PRKN: variants seen among roughly 807,000 people sequenced by gnomAD.
PRKN encodes E3 ubiquitin-protein ligase parkin.
PRKN carries 56 observed loss-of-function variants against 59.5 expected under a neutral mutation model. The ratio of observed to expected loss-of-function variants is 0.94; its 90% CI spans 0.76 to 1.18. PRKN has a LOEUF of 1.18. PRKN is among the 50% of genes most tolerant of loss of function. The pLI, the probability that PRKN is intolerant of heterozygous loss-of-function variation, is 0.00. For missense variants in PRKN, 657 were observed against 596.4 expected, an observed-to-expected ratio of 1.10 and a Z score of -1.06; for synonymous variants, 250 against 222.1, an observed-to-expected ratio of 1.13 and a Z score of -1.12.
chr6:161,725,602 C>T (rs921149472), intron 7 of PRKN, among the ~76,000 whole-genome samples: 1 of 152,178 alleles, frequency 6.6e-6, no homozygotes, highest in Non-Finnish European at 1.5e-5. Context: ...GCATGGCTCA[C>T]CCTACCCATT....
At chr6:162,591,497 C>G (rs991240190) in intron 1 of PRKN, among the ~76,000 whole-genome samples, 2 of 151,922 alleles carry the variant, frequency 1.3e-5, no homozygotes, top group Non-Finnish European at 2.9e-5. Flanking sequence ...TATTCTTAAA[C>G]GATGCAATTG....
At chr6:161,481,409 C>A (rs1791391642) in intron 9 of PRKN, among the ~76,000 whole-genome samples, 1 of 152,068 alleles carries the variant, frequency 6.6e-6, no homozygotes, top group Non-Finnish European at 1.5e-5. Flanking sequence ...TTGAGACCAT[C>A]CTGGCCAACA....
chr6:161,382,475 G>C (rs1269822858), intron 10 of PRKN, among the ~76,000 whole-genome samples: 2 of 152,176 alleles, frequency 1.3e-5, no homozygotes, highest in Non-Finnish European at 2.9e-5. Context: ...TAAAAATCTG[G>C]AAGTCTCAGT....
chr6:161,614,182 G>A (rs921939076), intron 7 of PRKN, among the ~76,000 whole-genome samples: 1 of 152,084 alleles, frequency 6.6e-6, no homozygotes, highest in Non-Finnish European at 1.5e-5. Flanking sequence ...GGTCTCCAGG[G>A]GTGAGTTTGG....
chr6:162,298,643 G>C (rs1244143244), intron 2 of PRKN, among the ~76,000 whole-genome samples: 3 of 61,246 alleles, frequency 4.9e-5, no homozygotes, highest in African/African-American at 2.0e-4. Flanking sequence ...AACCCCATGA[G>C]GTCAGCATGG....
rs1465616743 is a variant in PRKN, at chr6:162,054,165, A to G, written c.544T>C (p.Cys182Arg). The change falls in exon 5 of 12, where the codon TGC becomes CGC. Residue 182 changes from cysteine to arginine, a missense_variant. Physicochemically the swap from Cys to Arg is radical, Grantham distance 180. Coordinates refer to ENST00000366898, the MANE Select transcript of PRKN (RefSeq NM_004562.3). ...TTTGGAATTAAAACATCATCCCAGC[A>G]AGATGGACCCTTTGGGAAAAAACAA... ...ATLTLTQGPS[C>R]WDDVLIPNRM... 2 of 1,611,052 alleles carry G rather than the reference A, an allele frequency of 1.2e-6. No homozygotes were observed. The highest frequency in any genetic ancestry group is 1.3e-5 in the African/African-American group (1 of 74,864).
At chr6:161,783,769 G>A (rs1790306865) in intron 7 of PRKN, 1 of 440,270 alleles carries the variant, frequency 2.3e-6, no homozygotes, top group Non-Finnish European at 4.4e-6. Context: ...GGATGCTTTT[G>A]TTAAAAAGAA....
chr6:162,072,585 T>C (rs1778626925), intron 4 of PRKN, among the ~76,000 whole-genome samples: 2 of 152,324 alleles, frequency 1.3e-5, no homozygotes, highest in South Asian at 4.2e-4. Context: ...TCTCCATCCA[T>C]ACCACTAGTC....
intron 1 of PRKN, among the ~76,000 whole-genome samples, chr6:162,566,583 C>CA (rs151329357): frequency 6.6e-6 from 1 of 151,828 alleles, no homozygotes; most frequent in African/African-American, 2.4e-5. Context: ...TTGAACCAGG[C>CA]AAAAAAATCC....
intron 7 of PRKN, among the ~76,000 whole-genome samples, chr6:161,693,098 T>G (rs187152977): frequency 2.2e-4 from 34 of 152,180 alleles, no homozygotes; most frequent in Admixed American, 1.2e-3. Context: ...AATAGATGTC[T>G]TTAGAATTAA....
intron 4 of PRKN, among the ~76,000 whole-genome samples, chr6:162,070,428 T>C (rs1394967944): frequency 6.6e-6 from 1 of 152,138 alleles, no homozygotes; most frequent in Non-Finnish European, 1.5e-5. Flanking sequence ...CTCTGCTCTA[T>C]GTGGGGTCAG....
rs1156657441 is a variant in PRKN, at chr6:161,360,531, A to G, written c.1168-326T>C. ...CAGGCAAGGTGATCAATGCTCAAAT[A>G]CACTTCTCATTAGACACTTCATCAG... On this transcript the variant is annotated intron_variant, in intron 10 of 11. Transcript: ENST00000366898. This position sits in a 1 kb window ranked among gnomAD's most constrained non-coding sequence, Gnocchi z 5.1. Among the ~76,000 whole-genome samples the G allele has an allele frequency of 6.6e-6, 1 of 152,170 alleles. No individual in the cohort carries two copies. Among genetic ancestry groups the G allele is most frequent in the African/African-American group, 2.4e-5 (1 of 41,426 alleles).
intron 3 of PRKN, among the ~76,000 whole-genome samples, chr6:162,254,462 A>T (rs931879520): frequency 1.3e-5 from 2 of 151,922 alleles, no homozygotes; most frequent in Non-Finnish European, 2.9e-5. Context: ...TCTCAAAAAA[A>T]AAAAAAAAGG....
intron 1 of PRKN, among the ~76,000 whole-genome samples, chr6:162,514,666 A>C (rs1231378474): frequency 6.6e-6 from 1 of 152,196 alleles, no homozygotes; most frequent in Admixed American, 6.5e-5. Flanking sequence ...ATGGTGGTTC[A>C]TGCCTATAAT....
intron 7 of PRKN, among the ~76,000 whole-genome samples, chr6:161,620,327 C>T (rs546567314): frequency 3.2e-4 from 48 of 152,066 alleles, no homozygotes; most frequent in Middle Eastern, 6.8e-3. Context: ...TCCATTGGTC[C>T]TGTTGGCTTT....
chr6:162,417,741 G>C (rs925711808), intron 2 of PRKN, among the ~76,000 whole-genome samples: 1 of 152,202 alleles, frequency 6.6e-6, no homozygotes, highest in Non-Finnish European at 1.5e-5. Context: ...TCGGTTTCTA[G>C]CTCAGTTCAT....
intron 5 of PRKN, among the ~76,000 whole-genome samples, chr6:162,001,844 T>C (rs868299836): frequency 8.5e-5 from 11 of 129,088 alleles, no homozygotes; most frequent in African/African-American, 3.5e-4. Context: ...AGTTTGCAAA[T>C]AGCTTTTTTT....
At chr6:161,464,601 C>G (rs1193168854) in intron 9 of PRKN, among the ~76,000 whole-genome samples, 1 of 152,206 alleles carries the variant, frequency 6.6e-6, no homozygotes, top group African/African-American at 2.4e-5. Flanking sequence ...CTATGCCCAC[C>G]TAGCCTAAGG....
chr6:162,604,967 T>C (rs1781852564), intron 1 of PRKN, among the ~76,000 whole-genome samples: 1 of 152,154 alleles, frequency 6.6e-6, no homozygotes, highest in Admixed American at 6.6e-5. Flanking sequence ...ATTAAGTCAT[T>C]TTCCACATAG....
Sources: gnomAD v4.1 joint callset for allele counts (sites outside exome capture counted in the v4.1 genomes callset) on GRCh38, gnomAD v4.1.1 for gene constraint, Gnocchi (gnomAD v3.1) non-coding constraint, MANE v1.5 for transcripts, NCBI Gene and HGNC (gene_info 2026-07-23, HGNC 2026-07-21) for gene names.